DCC: variants seen among roughly 807,000 people sequenced by gnomAD.
DCC encodes netrin receptor DCC.
DCC carries 58 observed loss-of-function variants against 172.5 expected under a neutral mutation model. The ratio of observed to expected loss-of-function variants is 0.34; its 90% CI spans 0.27 to 0.42. The LOEUF is 0.42. Ranked by LOEUF, DCC falls within the 10% of genes least tolerant of loss-of-function variation. DCC has a pLI of 1.00. For missense variants in DCC, 1,740 were observed against 1,791.0 expected, an observed-to-expected ratio of 0.97 and a Z score of 0.51; for synonymous variants, 709 against 644.5, an observed-to-expected ratio of 1.10 and a Z score of -1.52.
intron 5 of DCC, among the ~76,000 whole-genome samples, chr18:53,009,510 A>G (rs769135062): frequency 1.6e-4 from 24 of 151,860 alleles, no homozygotes; most frequent in Admixed American, 2.6e-4. Context: ...AAAAAGAGAG[A>G]AAGTGAAGGC....
At chr18:52,369,280 C>A (rs1985012685) in intron 1 of DCC, among the ~76,000 whole-genome samples, 1 of 151,432 alleles carries the variant, frequency 6.6e-6, no homozygotes, top group South Asian at 2.1e-4. Context: ...TGCAAATGGG[C>A]TATTCCTCCC....
chr18:52,839,406 C>A (rs912811736), intron 2 of DCC, among the ~76,000 whole-genome samples: 1 of 152,066 alleles, frequency 6.6e-6, no homozygotes, highest in African/African-American at 2.4e-5. Context: ...TCACTTTGCT[C>A]CTGAGACATC....
chr18:53,371,426 A>G (rs2058059165), intron 15 of DCC, among the ~76,000 whole-genome samples: 1 of 151,988 alleles, frequency 6.6e-6, no homozygotes, highest in Non-Finnish European at 1.5e-5. Flanking sequence ...GCATGATTGC[A>G]TTTCCTCTTG....
At chr18:52,736,070 A>G (rs1467706020) in intron 1 of DCC, among the ~76,000 whole-genome samples, 1 of 152,100 alleles carries the variant, frequency 6.6e-6, no homozygotes, top group African/African-American at 2.4e-5. Flanking sequence ...TAACATATAT[A>G]AGCAGAAAGG....
intron 2 of DCC, among the ~76,000 whole-genome samples, chr18:52,794,932 T>C (rs187387621): frequency 2.4e-4 from 37 of 152,230 alleles, no homozygotes; most frequent in Admixed American, 2.3e-3. Context: ...ATCTCATGTA[T>C]TGATTTATGT....
chr18:53,256,561 A>G lies in DCC; in HGVS notation c.1911+40964A>G, dbSNP rs2056519137. On this transcript the variant is annotated intron_variant, in intron 12 of 28. Coordinates refer to ENST00000442544, the MANE Select transcript of DCC (RefSeq NM_005215.4). The stretch of plus-strand genomic sequence containing the variant: ...ATTTCTGAGGGCTCTGTTCTGTTCC[A>G]TTGGTCTATATCTCTGTTTTGGTAC... Among the ~76,000 whole-genome samples, 4 of 151,974 alleles carry G rather than the reference A, an allele frequency of 2.6e-5. No individual in the cohort carries two copies. The South Asian group carries it at 8.3e-4, about 32-fold the overall frequency.
intron 7 of DCC, among the ~76,000 whole-genome samples, chr18:53,103,043 G>A (rs2043195474): frequency 6.6e-6 from 1 of 152,054 alleles, no homozygotes; most frequent in African/African-American, 2.4e-5. Flanking sequence ...TTTGAAAATT[G>A]TCTTGTTATT....
intron 5 of DCC, among the ~76,000 whole-genome samples, chr18:53,002,522 A>G (rs2041581647): frequency 6.6e-6 from 1 of 152,108 alleles, no homozygotes; most frequent in Non-Finnish European, 1.5e-5. Flanking sequence ...ATAATTCACA[A>G]TAGACTGATG....
intron 7 of DCC, among the ~76,000 whole-genome samples, chr18:53,150,548 G>A (rs12454142): frequency 0.31 from 47,249 of 152,040 alleles, 9,190 homozygotes; most frequent in East Asian, 0.59. Flanking sequence ...AAAAATGACC[G>A]GATTGTTGGA....
At chr18:53,004,697 T>C (rs1416717820) in intron 5 of DCC, among the ~76,000 whole-genome samples, 1 of 152,064 alleles carries the variant, frequency 6.6e-6, no homozygotes, top group South Asian at 2.1e-4. Context: ...TGTTTGTTTG[T>C]TTGTTTGTTT....
chr18:53,069,397 A>G (rs997646639), intron 7 of DCC, among the ~76,000 whole-genome samples: 1 of 152,122 alleles, frequency 6.6e-6, no homozygotes, highest in Admixed American at 6.5e-5. Context: ...TTCCACTTGA[A>G]GAAGGCAAGG....
At chr18:52,882,636 TA>T (rs751494358) in intron 2 of DCC, among the ~76,000 whole-genome samples, 4 of 152,158 alleles carry the variant, frequency 2.6e-5, no homozygotes, top group Non-Finnish European at 5.9e-5. Flanking sequence ...TGCATGATAT[TA>T]GTTTCATTTT....
At position 53,534,235 on chromosome 18, in the gene DCC, C is replaced by T. The variant is rs139612928; in HGVS notation, c.*3582C>T. ...TTGTGTCCCAGAATTCTTATGGTTT[C>T]GGAATGTACATTTCTAGTCAATGAA... On this transcript the variant is annotated 3_prime_UTR_variant, in exon 29 of 29. Transcript: ENST00000442544. 1.4e-4 allele frequency: 22 copies of T among 152,130 alleles called. No homozygotes were observed. In the East Asian group the frequency reaches 3.7e-3, roughly 25 times the overall value. The allele number at this position is 152,130 out of a possible 1,614,324, so 9.4% of individuals were successfully genotyped here.
intron 7 of DCC, among the ~76,000 whole-genome samples, chr18:53,105,522 A>T (rs909034966): frequency 1.3e-5 from 2 of 152,020 alleles, no homozygotes; most frequent in African/African-American, 2.4e-5. Context: ...TTTGTTAAGT[A>T]ATCAGATTTC....
At position 52,376,245 on chromosome 18, in the gene DCC, C is replaced by T. The variant is rs140851170; in HGVS notation, c.91+35367C>T. ...ATTGGAGGAACACTCTGTACAATGG[C>T]ATGTCATACATACTCCAATTAAGAG... On this transcript the variant is annotated intron_variant, in intron 1 of 28. Transcript: ENST00000442544. 4.5e-4 allele frequency among the ~76,000 whole-genome samples: 68 copies of T among 152,264 alleles called. 1 individual carries two copies. The East Asian group carries it at 5.6e-3, about 13-fold the overall frequency.
chr18:53,281,286 A>G (rs1370123366), intron 12 of DCC, among the ~76,000 whole-genome samples: 2 of 152,148 alleles, frequency 1.3e-5, no homozygotes, highest in Non-Finnish European at 2.9e-5. Context: ...AACTGGAGCT[A>G]GGTTTAAGAT....
At chr18:53,434,154 GA>G (rs1296209796) in intron 21 of DCC, among the ~76,000 whole-genome samples, 4 of 152,120 alleles carry the variant, frequency 2.6e-5, no homozygotes, top group Non-Finnish European at 4.4e-5. Flanking sequence ...CTAAATGTGA[GA>G]AAACAACCTA....
chr18:53,402,336 G>C (rs1350689548), intron 18 of DCC, among the ~76,000 whole-genome samples: 1 of 151,578 alleles, frequency 6.6e-6, no homozygotes, highest in African/African-American at 2.4e-5. Context: ...TCTGAAGTGA[G>C]CTATGATTGC....
At chr18:52,962,476 G>T (rs2040858118) in intron 5 of DCC, among the ~76,000 whole-genome samples, 1 of 151,350 alleles carries the variant, frequency 6.6e-6, no homozygotes. Flanking sequence ...AGAGGATGTG[G>T]AGAAATAGGA....
Sources: allele counts gnomAD v4.1 joint callset (sites outside exome capture counted in the v4.1 genomes callset), GRCh38; gene constraint gnomAD v4.1.1; transcripts MANE v1.5; gene names NCBI Gene and HGNC (gene_info 2026-07-23, HGNC 2026-07-21).